Variants in KHDRBS2 observed in about 807,000 individuals in gnomAD.
The protein encoded by KHDRBS2 is KH domain-containing, RNA-binding, signal transduction-associated protein 2.
KHDRBS2 carries 26 observed loss-of-function variants against 44.3 expected under a neutral mutation model. That is an observed-to-expected ratio of 0.59 (90% confidence interval 0.43 to 0.81). KHDRBS2 has a LOEUF of 0.81. Ranked by LOEUF, KHDRBS2 falls within the 40% of genes least tolerant of loss-of-function variation. The pLI, the probability that KHDRBS2 is intolerant of heterozygous loss-of-function variation, is 0.00. For synonymous variants in KHDRBS2, 194 were observed against 151.1 expected (o/e 1.28, Z -2.08); for missense variants, 476 against 433.1 (o/e 1.10, Z -0.88).
intron 2 of KHDRBS2, among the ~76,000 whole-genome samples, chr6:62,160,648 T>C (rs1562974999): frequency 6.6e-6 from 1 of 151,996 alleles, no homozygotes; most frequent in South Asian, 2.1e-4. Context: ...AAGATACTTG[T>C]ATAGGAGCAG....
At chr6:61,675,889 T>C (rs1434610561), downstream of KHDRBS2, among the ~76,000 whole-genome samples, 1 of 151,806 alleles carries the variant, frequency 6.6e-6, no homozygotes, top group African/African-American at 2.4e-5. Context: ...AAAATATACA[T>C]AGACCACGCA....
intron 6 of KHDRBS2, among the ~76,000 whole-genome samples, chr6:61,744,194 C>T (rs1402687146): frequency 2.6e-5 from 4 of 152,014 alleles, no homozygotes; most frequent in Non-Finnish European, 4.4e-5. Context: ...TGGCAGAAGA[C>T]ATAACTCTTG....
chr6:61,610,609 C>T, the KHDRBS2 span, among the ~76,000 whole-genome samples: 210 of 152,236 alleles, frequency 1.4e-3, no homozygotes, highest in African/African-American at 4.7e-3. Flanking sequence ...CCATGTGGAC[C>T]TCTGCTTAGT....
At chr6:61,896,497 C>T (rs1802969767) in intron 5 of KHDRBS2, among the ~76,000 whole-genome samples, 1 of 152,066 alleles carries the variant, frequency 6.6e-6, no homozygotes, top group South Asian at 2.1e-4. Context: ...CTTCCTTCAT[C>T]AACTGACTAC....
intron 3 of KHDRBS2, among the ~76,000 whole-genome samples, chr6:62,011,295 G>A (rs1206398952): frequency 6.6e-6 from 1 of 152,030 alleles, no homozygotes; most frequent in Non-Finnish European, 1.5e-5. Context: ...AAAAAGTCAA[G>A]TAAAAGTATT....
the KHDRBS2 span, among the ~76,000 whole-genome samples, chr6:61,569,260 C>T: frequency 6.6e-6 from 1 of 152,146 alleles, no homozygotes; most frequent in African/African-American, 2.4e-5. Flanking sequence ...AAGTCTGAGC[C>T]CAGACCCTCC....
At chr6:62,007,343 A>G (rs2127265447) in intron 3 of KHDRBS2, among the ~76,000 whole-genome samples, 1 of 151,510 alleles carries the variant, frequency 6.6e-6, no homozygotes, top group South Asian at 2.1e-4. Flanking sequence ...CTCTGCCATG[A>G]TTATCCAAAG....
intron 4 of KHDRBS2, among the ~76,000 whole-genome samples, chr6:61,953,061 A>AAAATACCTG: frequency 6.6e-6 from 1 of 152,068 alleles, no homozygotes; most frequent in Non-Finnish European, 1.5e-5. Flanking sequence ...CAGAGTTAAA[A>AAAATACCTG]AAATACCTGT....
the KHDRBS2 span, among the ~76,000 whole-genome samples, chr6:61,621,764 T>C: frequency 1.3e-5 from 2 of 152,220 alleles, no homozygotes; most frequent in African/African-American, 4.8e-5. Flanking sequence ...AGTGGTAAGA[T>C]GTTACTCCTG....
chr6:62,268,032 T>C (rs893519739), intron 1 of KHDRBS2, among the ~76,000 whole-genome samples: 2 of 152,034 alleles, frequency 1.3e-5, no homozygotes, highest in Non-Finnish European at 2.9e-5. Flanking sequence ...TTCTCATAAA[T>C]TTCTATAGAG....
At chr6:62,218,990 C>G (rs1325086279) in intron 1 of KHDRBS2, among the ~76,000 whole-genome samples, 5 of 151,688 alleles carry the variant, frequency 3.3e-5, no homozygotes, top group Non-Finnish European at 7.4e-5. Context: ...TTTACAGACA[C>G]TAGAGATTCA....
At chr6:62,006,093 G>A (rs1490430107) in intron 3 of KHDRBS2, among the ~76,000 whole-genome samples, 1 of 151,948 alleles carries the variant, frequency 6.6e-6, no homozygotes, top group Non-Finnish European at 1.5e-5. Flanking sequence ...TCTAAAAAAT[G>A]AGTCAAGAAT....
chr6:61,739,787 GTGAACATTAGCACACCATTATA>G (rs1270361425), intron 6 of KHDRBS2, among the ~76,000 whole-genome samples: 1 of 151,822 alleles, frequency 6.6e-6, no homozygotes, highest in Non-Finnish European at 1.5e-5. Flanking sequence ...TTGGGAAGAG[GTGAACATTAGCACACCATTATA>G]TGTTATTCCC....
At position 61,773,190 on chromosome 6, in the gene KHDRBS2, G is replaced by A. The variant is rs572294092; in HGVS notation, c.811-40426C>T. Among the ~76,000 whole-genome samples, 798 of 152,120 alleles carry A rather than the reference G, an allele frequency of 5.2e-3. 8 individuals are homozygous for A. The highest frequency in any genetic ancestry group is 0.018 in the African/African-American group (767 of 41,488). On this transcript the variant is annotated intron_variant, in intron 6 of 8. Transcript: ENST00000281156. ...ATGGCTGGGTCAAATGGTATTTCTA[G>A]TTCTAGATCCCTGAGGAATCGCCAC...
At chr6:62,171,506 G>T (rs1481002276) in intron 2 of KHDRBS2, among the ~76,000 whole-genome samples, 1 of 152,116 alleles carries the variant, frequency 6.6e-6, no homozygotes, top group Non-Finnish European at 1.5e-5. Context: ...CTTGGAAAAT[G>T]TATTTGAGGA....
chr6:61,790,461 T>TA (rs1784461567), intron 6 of KHDRBS2, among the ~76,000 whole-genome samples: 1 of 149,694 alleles, frequency 6.7e-6, no homozygotes, highest in Non-Finnish European at 1.5e-5. Flanking sequence ...CCAATAAGAA[T>TA]AATTCTTTAA....
At chr6:62,106,829 C>A (rs1406239164) in intron 2 of KHDRBS2, among the ~76,000 whole-genome samples, 1 of 151,906 alleles carries the variant, frequency 6.6e-6, no homozygotes, top group Non-Finnish European at 1.5e-5. Flanking sequence ...TAAACAGAAC[C>A]AAAGACAAAA....
intron 1 of KHDRBS2, among the ~76,000 whole-genome samples, chr6:62,196,805 C>G (rs1323449545): frequency 6.6e-6 from 1 of 151,982 alleles, no homozygotes; most frequent in Non-Finnish European, 1.5e-5. Context: ...AGAATATGTA[C>G]TAGAGAATGA....
chr6:61,590,691 T>C, the KHDRBS2 span, among the ~76,000 whole-genome samples: 2 of 152,190 alleles, frequency 1.3e-5, no homozygotes, highest in African/African-American at 4.8e-5. Context: ...TCAATATTTA[T>C]AAAGTACAGT....
Sources: gnomAD v4.1 joint callset for allele counts (sites outside exome capture counted in the v4.1 genomes callset) on GRCh38, gnomAD v4.1.1 for gene constraint, MANE v1.5 for transcripts, NCBI Gene and HGNC (gene_info 2026-07-23, HGNC 2026-07-21) for gene names.